The following FAM20C variants were observed in gnomAD, a reference collection of about 807,000 sequenced individuals.
FAM20C encodes extracellular serine/threonine protein kinase FAM20C.
In FAM20C, 40 loss-of-function variants were observed where a neutral mutation model predicts 51.5. That is an observed-to-expected ratio of 0.78 (90% CI 0.60 to 1.01). FAM20C has a LOEUF of 1.01. Among genes scored for constraint, FAM20C ranks in the 50% least tolerant of loss-of-function variants. FAM20C has a pLI of 0.00. For synonymous variants in FAM20C, 406 were observed against 380.6 expected, an observed-to-expected ratio of 1.07 and a Z score of -0.78; for missense variants, 861 against 844.7, an observed-to-expected ratio of 1.02 and a Z score of -0.24.
chr7:257,979 GCA>G (rs1788678134), intron 8 of FAM20C, among the ~76,000 whole-genome samples: 1 of 111,720 alleles, frequency 9.0e-6, no homozygotes, highest in Non-Finnish European at 1.9e-5. Flanking sequence ...CTGGAGATAG[GCA>G]GTGTGGACCC....
chr7:210,699 G>A (rs1393084640), intron 3 of FAM20C, among the ~76,000 whole-genome samples: 1 of 152,138 alleles, frequency 6.6e-6, no homozygotes, highest in African/African-American at 2.4e-5. Context: ...GACCTTGAGT[G>A]CTGTGTCCCG....
chr7:246,046 C>T (rs1444993133), intron 3 of FAM20C: 3 of 181,074 alleles, frequency 1.7e-5, no homozygotes, highest in Non-Finnish European at 3.5e-5. Flanking sequence ...CTGTGGGTCC[C>T]AGGGTGGACG....
chr7:256,517 T>C lies in FAM20C; in HGVS notation c.1254-137T>C, dbSNP rs955744009. 8.5e-6 allele frequency: 6 copies of C among 703,212 alleles called. No homozygotes were observed. In the African/African-American group the frequency reaches 1.1e-4, roughly 12 times the overall value. 43.6% of individuals were successfully genotyped at this position (703,212 alleles called of 1,614,324 possible). ...CACCCGTGCTCCCGCTAATGCAGCCTCAGCGCCGCAGCCCGGGCGGGTCCA... is the reference window on the plus strand; with the variant it reads ...CACCCGTGCTCCCGCTAATGCAGCCCCAGCGCCGCAGCCCGGGCGGGTCCA... On this transcript the variant is annotated intron_variant, in intron 6 of 9. Coordinates refer to ENST00000313766, the MANE Select transcript of FAM20C (RefSeq NM_020223.4).
At chr7:255,623 G>T (rs1042186791) in intron 5 of FAM20C, among the ~76,000 whole-genome samples, 4 of 152,158 alleles carry the variant, frequency 2.6e-5, no homozygotes, top group Non-Finnish European at 4.4e-5. Context: ...GGTTCAGGCC[G>T]GGCTCTGCCT....
intron 4 of FAM20C, among the ~76,000 whole-genome samples, chr7:247,912 G>C (rs1006378619): frequency 6.6e-6 from 1 of 152,276 alleles, no homozygotes; most frequent in Non-Finnish European, 1.5e-5. Context: ...CCGTCAGCAA[G>C]AAAAGCTCTC....
intron 3 of FAM20C, among the ~76,000 whole-genome samples, chr7:209,582 C>T (rs1345149433): frequency 2.6e-5 from 4 of 152,210 alleles, no homozygotes; most frequent in Non-Finnish European, 5.9e-5. Flanking sequence ...GATAACACAG[C>T]GCTCCGTGGC....
intron 2 of FAM20C, among the ~76,000 whole-genome samples, chr7:199,700 T>G (rs552526145): frequency 3.9e-5 from 6 of 152,264 alleles, no homozygotes; most frequent in African/African-American, 1.4e-4. Flanking sequence ...TATTTATAGC[T>G]GGGCTCCTGG....
chr7:228,104 T>C (rs936184126), intron 3 of FAM20C: 1 of 263,874 alleles, frequency 3.8e-6, no homozygotes, highest in Non-Finnish European at 7.5e-6. Flanking sequence ...TCAGAGCTGA[T>C]GGGGGACGGC....
At chr7:227,045 C>A (rs1197819527) in intron 3 of FAM20C, among the ~76,000 whole-genome samples, 1 of 152,142 alleles carries the variant, frequency 6.6e-6, no homozygotes, top group Non-Finnish European at 1.5e-5. Flanking sequence ...GCCGTCCGAC[C>A]CTGGCCGACT....
intron 4 of FAM20C, among the ~76,000 whole-genome samples, chr7:247,077 T>C (rs1788195793): frequency 1.3e-5 from 2 of 152,088 alleles, no homozygotes; most frequent in Non-Finnish European, 2.9e-5. Context: ...ACACAGAGAC[T>C]CACAGAGCAC....
Position 193,181 on chromosome 7 carries a change from CG to C in FAM20C, c.-16del. The C allele has an allele frequency of 6.9e-7, 1 of 1,447,416 alleles. No individual in the cohort carries two copies. The allele number at this position is 1,447,416 out of a possible 1,614,324, so 89.7% of individuals were successfully genotyped here. ...GCGCGGGCAGAACGCGCTCCAGGCCCGGGCCGGCCCGCGCGGCCATGAAGAT... is the reference window on the plus strand; with the variant it reads ...GCGCGGGCAGAACGCGCTCCAGGCCCGGCCGGCCCGCGCGGCCATGAAGAT... On this transcript the variant is annotated 5_prime_UTR_variant, in exon 1 of 10. Transcript: ENST00000313766.
At chr7:257,804 T>C (rs920178331) in intron 8 of FAM20C, among the ~76,000 whole-genome samples, 7 of 121,632 alleles carry the variant, frequency 5.8e-5, no homozygotes, top group Non-Finnish European at 1.2e-4. Context: ...ATGGGCTGGG[T>C]GGACCCACTG....
At chr7:247,362 C>G (rs922080221) in intron 4 of FAM20C, among the ~76,000 whole-genome samples, 1 of 152,170 alleles carries the variant, frequency 6.6e-6, no homozygotes, top group Non-Finnish European at 1.5e-5. Context: ...AGGGAGGAGG[C>G]GCCACCCTCA....
intron 5 of FAM20C, among the ~76,000 whole-genome samples, chr7:253,495 G>T (rs1012533877): frequency 4.0e-5 from 6 of 151,230 alleles, no homozygotes; most frequent in Admixed American, 6.6e-5. Context: ...CTTGCTGTTT[G>T]TGTCTTTTAT....
In FAM20C at chr7:260,623, G is replaced by A. The variant is rs1004563223; in HGVS notation, c.*643G>A. The A allele has an allele frequency of 6.6e-6, 1 of 152,510 alleles. No homozygotes were observed. The highest frequency in any genetic ancestry group is 2.1e-4 in the South Asian group (1 of 4,838). The allele number at this position is 152,510 out of a possible 1,614,324, so 9.4% of individuals were successfully genotyped here. On this transcript the variant is annotated 3_prime_UTR_variant, in exon 10 of 10. Transcript: ENST00000313766. ...TGCAGCACCCACCTCGGACTTGGCT[G>A]TGGACGGTTGGTGCAAGTGCATCCT... is the stretch of plus-strand genomic sequence containing the variant.
intron 5 of FAM20C, among the ~76,000 whole-genome samples, chr7:252,308 C>A (rs1788431090): frequency 7.5e-6 from 1 of 133,516 alleles, no homozygotes; most frequent in Admixed American, 7.3e-5. Context: ...GGCCTCCCGA[C>A]CAAGGATGCC....
chr7:228,628 A>C (rs1293474428), intron 3 of FAM20C: 1 of 456,200 alleles, frequency 2.2e-6, no homozygotes, highest in Non-Finnish European at 4.4e-6. Context: ...CAGGGGAATG[A>C]CCTGTCCCAA....
chr7:231,519 G>T (rs1787683327), intron 3 of FAM20C, among the ~76,000 whole-genome samples: 1 of 151,852 alleles, frequency 6.6e-6, no homozygotes, highest in Non-Finnish European at 1.5e-5. Flanking sequence ...TGGGAGGAGG[G>T]TCCTGGCGTG....
intron 3 of FAM20C, among the ~76,000 whole-genome samples, chr7:231,159 C>T (rs1028760654): frequency 2.6e-5 from 4 of 152,236 alleles, no homozygotes; most frequent in East Asian, 1.9e-4. Context: ...GGAAGGCTGG[C>T]GTGGCCGACC....
Sources: gnomAD v4.1 joint callset for allele counts (sites outside exome capture counted in the v4.1 genomes callset) on GRCh38, gnomAD v4.1.1 for gene constraint, MANE v1.5 for transcripts, NCBI Gene and HGNC (gene_info 2026-07-23, HGNC 2026-07-21) for gene names.